LIPN: variants seen among roughly 807,000 people sequenced by gnomAD.
LIPN encodes lipase family member N.
LIPN carries 32 observed loss-of-function variants against 43.7 expected under a neutral mutation model. The ratio of observed to expected loss-of-function variants is 0.73; its 90% confidence interval spans 0.55 to 0.98. LIPN has a LOEUF of 0.98. Among genes scored for constraint, LIPN ranks in the 50% least tolerant of loss-of-function variants. The pLI is 0.00. For missense variants in LIPN, 505 were observed against 483.8 expected (o/e 1.04, Z -0.41); for synonymous variants, 156 against 157.6 (o/e 0.99, Z 0.08).
Position 88,760,062 on chromosome 10 carries a change from C to T in LIPN, c.-53C>T, listed in dbSNP as rs983710003. Among the ~76,000 whole-genome samples, 2 of 152,052 alleles carry T rather than the reference C, an allele frequency of 1.3e-5. No homozygotes were observed. Among genetic ancestry groups the T allele is most frequent in the Non-Finnish European group, 2.9e-5 (2 of 67,990 alleles). On this transcript the variant is annotated 5_prime_UTR_variant, in exon 1 of 10. Transcript: ENST00000404459. ...CAAAAGCAAAAGTTCAGAAGTTCCT[C>T]ATCAATAAGGAGTCCTTGTGAGCAG...
intron 9 of LIPN, 126 bp downstream of exon 9, chr10:88,775,289 AAATTTT>A (rs1310306068): frequency 1.7e-5 from 8 of 461,868 alleles, no homozygotes; most frequent in South Asian, 1.4e-4. Context: ...TTTTTTAAAA[AAATTTT>A]AATTTTAATT....
chr10:88,767,227 AAC>A (rs1296263335), intron 5 of LIPN, among the ~76,000 whole-genome samples: 1 of 151,912 alleles, frequency 6.6e-6, no homozygotes, highest in African/African-American at 2.4e-5. Flanking sequence ...ATCAGTAACA[AAC>A]ATATATTCAT....
intron 7 of LIPN, among the ~76,000 whole-genome samples, chr10:88,773,406 A>G (rs1843242767): frequency 6.6e-6 from 1 of 151,940 alleles, no homozygotes; most frequent in Non-Finnish European, 1.5e-5. Flanking sequence ...ATCCTAAAAA[A>G]GGAGAGAAGC....
At chr10:88,772,260 T>C (rs893955273) in intron 7 of LIPN, among the ~76,000 whole-genome samples, 1 of 152,048 alleles carries the variant, frequency 6.6e-6, no homozygotes, top group South Asian at 2.1e-4. Context: ...CTTTTTAGCT[T>C]GACGTAATCT....
chr10:88,760,276 T>C (rs192104929), intron 1 of LIPN, among the ~76,000 whole-genome samples, 170 bp downstream of exon 1: 1 of 152,200 alleles, frequency 6.6e-6, no homozygotes, highest in Non-Finnish European at 1.5e-5. Context: ...CCTTTGTTTT[T>C]TTAATTGATA....
At chr10:88,775,844 T>C (rs1251382073) in intron 9 of LIPN, among the ~76,000 whole-genome samples, 1 of 152,036 alleles carries the variant, frequency 6.6e-6, no homozygotes, top group Non-Finnish European at 1.5e-5. Flanking sequence ...GCTATCATAT[T>C]TTAAGCTATT....
chr10:88,764,851 G>C (rs1276651172), intron 4 of LIPN, among the ~76,000 whole-genome samples: 1 of 151,950 alleles, frequency 6.6e-6, no homozygotes, highest in Non-Finnish European at 1.5e-5. Flanking sequence ...TGCATTAAAA[G>C]TATGTCCAAA....
At chr10:88,771,050 C>A in intron 7 of LIPN, 59 bp downstream of exon 7, 1 of 1,366,444 alleles carries the variant, frequency 7.3e-7, no homozygotes, top group Non-Finnish European at 1.0e-6. Context: ...TTTCCTTTGA[C>A]TCATTTTGAT....
At chr10:88,777,923 C>T (rs1255918001) in intron 9 of LIPN, 86 bp from the exon 10 acceptor site, 2 of 749,746 alleles carry the variant, frequency 2.7e-6, no homozygotes, top group East Asian at 2.6e-5. Context: ...AGAACTATGG[C>T]CATTGTCCAC....
At chr10:88,776,690 T>C (rs999363098) in intron 9 of LIPN, among the ~76,000 whole-genome samples, 2 of 152,136 alleles carry the variant, frequency 1.3e-5, no homozygotes, top group Non-Finnish European at 2.9e-5. Context: ...GGATTTCTCA[T>C]CATTTTGTTC....
Position 88,779,001 on chromosome 10 carries a change from C to G in LIPN, c.*759C>G, listed in dbSNP as rs1259257377. On this transcript the variant is annotated 3_prime_UTR_variant, in exon 10 of 10. Coordinates refer to ENST00000404459, the MANE Select transcript of LIPN (RefSeq NM_001102469.2). ...GTTTGAACATTCCATGAAAAACTGA[C>G]AGATAGGAAACTGACAATAAAAGAT... is the stretch of plus-strand genomic sequence containing the variant. Among the ~76,000 whole-genome samples the G allele has an allele frequency of 6.6e-6, 1 of 152,066 alleles. No individual in the cohort carries two copies. Among genetic ancestry groups the G allele is most frequent in the African/African-American group, 2.4e-5 (1 of 41,388 alleles).
At chr10:88,763,095 A>C (rs1413228437) in intron 3 of LIPN, among the ~76,000 whole-genome samples, 2 of 152,076 alleles carry the variant, frequency 1.3e-5, no homozygotes, top group African/African-American at 4.8e-5. Flanking sequence ...CATGTTTGAC[A>C]TTCTCTCCCT....
intron 3 of LIPN, among the ~76,000 whole-genome samples, chr10:88,763,774 G>A (rs952060470): frequency 1.2e-4 from 18 of 151,974 alleles, no homozygotes; most frequent in Non-Finnish European, 1.9e-4. Flanking sequence ...ACTGAGCTGA[G>A]CATATTATTG....
In LIPN at chr10:88,760,790, C is replaced by G. The variant is rs530559493; in HGVS notation, c.-8-608C>G. On this transcript the variant is annotated intron_variant, in intron 1 of 9. Coordinates refer to ENST00000404459, the MANE Select transcript of LIPN (RefSeq NM_001102469.2). Reference sequence around the variant, plus strand: ...AAATTTAGACCATTTGACTGTAGCACTTATATGATGAGCACGCTGTTTAGT... The same window carrying G: ...AAATTTAGACCATTTGACTGTAGCAGTTATATGATGAGCACGCTGTTTAGT... 2.6e-5 allele frequency among the ~76,000 whole-genome samples: 4 copies of G among 152,184 alleles called. No individual in the cohort carries two copies. In the South Asian group the frequency reaches 8.3e-4, roughly 32 times the overall value.
At chr10:88,771,043 C>T (rs1192842597) in intron 7 of LIPN, 52 bp downstream of exon 7, 1 of 1,399,390 alleles carries the variant, frequency 7.1e-7, no homozygotes. Flanking sequence ...TTCCAGCTTT[C>T]CTTTGACTCA....
chr10:88,768,866 T>C lies in LIPN; in HGVS notation c.610T>C (p.Ser204Pro). Residue 204 changes from serine to proline, a missense_variant, in exon 6 of 10, where the codon TCA (serine) becomes CCA (proline). Coordinates refer to ENST00000404459, the MANE Select transcript of LIPN (RefSeq NM_001102469.2). ...KMNFALGPTI[S>P]FKYPTGIFTR... is the part of the protein sequence containing the mutation. ...GAATTTTGCCTTGGGTCCTACGATC[T>C]CATTCAAATATCCCACGGGCATTTT... The C allele has an allele frequency of 6.2e-7, 1 of 1,611,440 alleles. No homozygotes were observed. The highest frequency in any genetic ancestry group is 8.5e-7 in the Non-Finnish European group (1 of 1,178,282).
chr10:88,769,519 T>G lies in LIPN; in HGVS notation c.672+591T>G, dbSNP rs972461827. ...GGATTTTATCTATTAAAGGGTTTTT[T>G]TTTTTTTTCTCTTTGCTTTTGTTTC... On this transcript the variant is annotated intron_variant, in intron 6 of 9. Transcript: ENST00000404459. The G allele has an allele frequency of 7.0e-4, 660 of 945,350 alleles. 6 individuals are homozygous for G. In the African/African-American group the frequency reaches 0.011, roughly 15 times the overall value. The allele number at this position is 945,350 out of a possible 1,614,324, so 58.6% of individuals were successfully genotyped here. A position where few individuals can be genotyped will look rare whatever the true frequency, so the allele number is the denominator to read the frequency against.
chr10:88,767,815 G>A (rs1451419798), intron 5 of LIPN, among the ~76,000 whole-genome samples: 1 of 151,572 alleles, frequency 6.6e-6, no homozygotes. Context: ...CTCTTTGTAG[G>A]ACATTTAGTA....
Position 88,770,836 on chromosome 10 carries a change from C to A in LIPN, c.673-9C>A. On this transcript the variant is annotated splice_polypyrimidine_tract_variant and intron_variant, in intron 6 of 9. Coordinates refer to ENST00000404459, the MANE Select transcript of LIPN (RefSeq NM_001102469.2). ...CTCATTCAAAGATAATTATTATTTA[C>A]TTTCATAGGCTGTTTTTGGTACCAA... The A allele has an allele frequency of 6.9e-7, 1 of 1,450,512 alleles. No homozygotes were observed. Among genetic ancestry groups the A allele is most frequent in the Non-Finnish European group, 9.4e-7 (1 of 1,068,832 alleles). The allele number at this position is 1,450,512 out of a possible 1,614,324, so 89.9% of individuals were successfully genotyped here.
Sources: allele counts gnomAD v4.1 joint callset (sites outside exome capture counted in the v4.1 genomes callset), GRCh38; gene constraint gnomAD v4.1.1; transcripts MANE v1.5; gene names NCBI Gene and HGNC (gene_info 2026-07-23, HGNC 2026-07-21).